DNM3: variants seen among roughly 807,000 people sequenced by gnomAD.
DNM3 encodes dynamin-3.
Under a neutral mutation model 101.6 loss-of-function variants are expected in DNM3, and 47 were observed. That is an observed-to-expected ratio of 0.46 (90% CI 0.37 to 0.59). DNM3 has a LOEUF of 0.59. Ranked by LOEUF, DNM3 falls within the 20% of genes least tolerant of loss-of-function variation. The probability of loss-of-function intolerance (pLI) is 0.00; values close to 1 mark genes in which losing one functional copy is unlikely to be tolerated. For missense variants in DNM3, 849 were observed against 1,085.7 expected (o/e 0.78, Z 3.06); for synonymous variants, 385 against 387.9 (o/e 0.99, Z 0.09).
intron 1 of DNM3, among the ~76,000 whole-genome samples, chr1:171,915,406 G>C (rs1558259012): frequency 6.6e-6 from 1 of 152,118 alleles, no homozygotes; most frequent in East Asian, 1.9e-4. Flanking sequence ...ATGATAGTTG[G>C]TGGAAGCTGG....
intron 16 of DNM3, 58 bp from the exon 17 acceptor site, chr1:172,323,271 T>A: frequency 2.6e-6 from 4 of 1,511,840 alleles, no homozygotes; most frequent in Non-Finnish European, 3.6e-6. Context: ...CTCATAATTT[T>A]AAAATAAATT....
At chr1:172,241,772 G>A (rs546812930) in intron 14 of DNM3, among the ~76,000 whole-genome samples, 1 of 152,162 alleles carries the variant, frequency 6.6e-6, no homozygotes, top group Admixed American at 6.6e-5. Flanking sequence ...AACAAAACAG[G>A]TGCCACACAC....
chr1:172,410,448 G>GT lies in DNM3; in HGVS notation c.*2612dup. 3 of 984,762 alleles carry GT rather than the reference G, an allele frequency of 3.0e-6. No homozygotes were observed. The highest frequency in any genetic ancestry group is 3.6e-6 in the Non-Finnish European group (3 of 829,392). The allele number at this position is 984,762 out of a possible 1,614,324, so 61.0% of individuals were successfully genotyped here. A position where few individuals can be genotyped will look rare whatever the true frequency, so the allele number is the denominator to read the frequency against. Reference sequence around the variant, plus strand: ...GTCTAGCATAATTTAAAAAATCAGTGTTTTTAGGATTTGGGAAAATAAACT... The same window carrying GT: ...GTCTAGCATAATTTAAAAAATCAGTGTTTTTTAGGATTTGGGAAAATAAACT... On this transcript the variant is annotated 3_prime_UTR_variant, in exon 21 of 21. Transcript: ENST00000627582.
Position 171,841,523 on chromosome 1 carries a change from G to T in DNM3, c.-134G>T, listed in dbSNP as rs2031175727. On this transcript the variant is annotated 5_prime_UTR_variant, in exon 1 of 21. Coordinates refer to ENST00000627582, the MANE Select transcript of DNM3 (RefSeq NM_015569.5). ...AGAGCCAAGCGGCGGGCTGGCGGCG[G>T]GCTCCGACGTCTGCGCCAGGACCTG... 1.6e-6 allele frequency: 2 copies of T among 1,269,266 alleles called. No individual in the cohort carries two copies. The highest frequency in any genetic ancestry group is 2.1e-6 in the Non-Finnish European group (2 of 960,866). 78.6% of individuals were successfully genotyped at this position (1,269,266 alleles called of 1,614,324 possible).
intron 4 of DNM3, among the ~76,000 whole-genome samples, chr1:172,008,142 T>A (rs945947031): frequency 1.3e-5 from 2 of 151,220 alleles, no homozygotes; most frequent in Non-Finnish European, 1.5e-5. Context: ...ATTTTTTTTT[T>A]CTATTTTGTA....
chr1:172,275,968 A>G (rs1483338674), intron 15 of DNM3, among the ~76,000 whole-genome samples: 1 of 152,138 alleles, frequency 6.6e-6, no homozygotes, highest in Non-Finnish European at 1.5e-5. Flanking sequence ...AGTGGCTCAG[A>G]AAAAGATATC....
intron 4 of DNM3, among the ~76,000 whole-genome samples, chr1:172,028,012 G>A (rs1022878598): frequency 1.3e-5 from 2 of 152,004 alleles, no homozygotes; most frequent in East Asian, 1.9e-4. Context: ...TTAGGTCAAC[G>A]AGACAGAAAA....
chr1:172,400,490 G>A (rs2070394944), intron 20 of DNM3, among the ~76,000 whole-genome samples: 1 of 151,858 alleles, frequency 6.6e-6, no homozygotes, highest in Non-Finnish European at 1.5e-5. Context: ...AGGAAAGGAA[G>A]GAGCAAAGGA....
At chr1:172,241,503 A>G (rs1174078865) in intron 14 of DNM3, among the ~76,000 whole-genome samples, 4 of 152,072 alleles carry the variant, frequency 2.6e-5, no homozygotes, top group African/African-American at 7.2e-5. Context: ...AATGTTCTTA[A>G]TTGTCAACCA....
chr1:171,929,712 C>T (rs2040851983), intron 2 of DNM3, among the ~76,000 whole-genome samples: 1 of 152,046 alleles, frequency 6.6e-6, no homozygotes. Flanking sequence ...GAGCTCCATC[C>T]CAGGGAAGTT....
At chr1:172,351,752 A>T (rs1467895377) in intron 17 of DNM3, among the ~76,000 whole-genome samples, 1 of 152,160 alleles carries the variant, frequency 6.6e-6, no homozygotes, top group Non-Finnish European at 1.5e-5. Context: ...AAATATCTAA[A>T]CAATTGTTGT....
At chr1:171,938,629 A>C (rs1370506350) in intron 2 of DNM3, among the ~76,000 whole-genome samples, 1 of 152,222 alleles carries the variant, frequency 6.6e-6, no homozygotes, top group Non-Finnish European at 1.5e-5. Flanking sequence ...TTCCTTGAAT[A>C]TTGGACACAA....
intron 14 of DNM3, among the ~76,000 whole-genome samples, chr1:172,236,288 A>G (rs538375062): frequency 6.6e-6 from 1 of 152,256 alleles, no homozygotes; most frequent in East Asian, 1.9e-4. Flanking sequence ...GTCTCATGTC[A>G]AGGAAAACTT....
intron 1 of DNM3, among the ~76,000 whole-genome samples, chr1:171,896,965 C>G (rs1315315211): frequency 6.6e-6 from 1 of 152,170 alleles, no homozygotes; most frequent in Non-Finnish European, 1.5e-5. Context: ...TACTGCTTCT[C>G]TCATTTCATT....
intron 2 of DNM3, among the ~76,000 whole-genome samples, chr1:171,982,196 G>C (rs2044850866): frequency 6.6e-6 from 1 of 152,050 alleles, no homozygotes; most frequent in Non-Finnish European, 1.5e-5. Flanking sequence ...GGTAAACTAT[G>C]GTATACTATG....
intron 1 of DNM3, among the ~76,000 whole-genome samples, chr1:171,891,063 C>T (rs901539071): frequency 6.6e-6 from 1 of 152,140 alleles, no homozygotes; most frequent in Non-Finnish European, 1.5e-5. Context: ...TAATTGACTT[C>T]ATATTGTTTT....
At chr1:171,903,906 A>T (rs935945318) in intron 1 of DNM3, among the ~76,000 whole-genome samples, 2 of 152,218 alleles carry the variant, frequency 1.3e-5, no homozygotes, top group African/African-American at 4.8e-5. Context: ...TTCATTCTCT[A>T]CTATACATGG....
chr1:172,269,763 G>A (rs545288582), intron 15 of DNM3, among the ~76,000 whole-genome samples: 1 of 152,252 alleles, frequency 6.6e-6, no homozygotes, highest in South Asian at 2.1e-4. Context: ...CAGTGTGGTG[G>A]TGATTTTGTG....
chr1:172,215,581 T>C (rs921995863), intron 14 of DNM3, among the ~76,000 whole-genome samples: 2 of 151,438 alleles, frequency 1.3e-5, no homozygotes, highest in Non-Finnish European at 2.9e-5. Flanking sequence ...GAGAAAAAAA[T>C]TGGAAGATAA....
Sources: gnomAD v4.1 joint callset for allele counts (sites outside exome capture counted in the v4.1 genomes callset) on GRCh38, gnomAD v4.1.1 for gene constraint, MANE v1.5 for transcripts, NCBI Gene and HGNC (gene_info 2026-07-23, HGNC 2026-07-21) for gene names.